HDLBP: variants seen among roughly 807,000 people sequenced by gnomAD.
HDLBP encodes the protein high density lipoprotein binding protein, also known as vigilin.
Under a neutral mutation model 137.3 loss-of-function variants are expected in HDLBP, and 30 were observed. The ratio of observed to expected loss-of-function variants is 0.22; its 90% CI spans 0.16 to 0.30. The LOEUF is 0.30. Among genes scored for constraint, HDLBP ranks in the 10% least tolerant of loss-of-function variants. HDLBP has a pLI of 1.00. For synonymous variants in HDLBP, 606 were observed against 596.0 expected (o/e 1.02, Z -0.24); for missense variants, 1,119 against 1,667.3 (o/e 0.67, Z 5.73).
chr2:241,289,540 A>G (rs1053164619), intron 1 of HDLBP, among the ~76,000 whole-genome samples: 2 of 152,258 alleles, frequency 1.3e-5, no homozygotes, highest in Non-Finnish European at 2.9e-5. Context: ...TTACCATGTA[A>G]GAGAAAAACT....
chr2:241,248,095 G>A lies in HDLBP; in HGVS notation c.1639C>T (p.Pro547Ser). 3 of 1,613,936 alleles carry A rather than the reference G, an allele frequency of 1.9e-6. No individual in the cohort carries two copies. The highest frequency in any genetic ancestry group is 4.5e-5 in the East Asian group (2 of 44,880). Residue 547 changes from proline (P) to serine (S), a missense_variant, in exon 14 of 28, where the codon CCA (proline) becomes TCA (serine). Pro to Ser is a moderately conservative substitution (Grantham distance 74). Transcript: ENST00000310931. ...TGGACAATGTCACTTTTTTGTGCTG[G>A]GTCTGGAAAGTTAATGATGACCTAG... Reference protein sequence around the residue: ...FPEVIINFPDPAQKSDIVQLR... With the variant: ...FPEVIINFPDSAQKSDIVQLR...
At chr2:241,257,800 T>A (rs1458851738) in intron 5 of HDLBP, among the ~76,000 whole-genome samples, 1 of 152,072 alleles carries the variant, frequency 6.6e-6, no homozygotes, top group African/African-American at 2.4e-5. Flanking sequence ...GGTGGAGGTG[T>A]TAACAGTGGT....
At chr2:241,296,533 T>A (rs943624296) in intron 1 of HDLBP, among the ~76,000 whole-genome samples, 1 of 152,204 alleles carries the variant, frequency 6.6e-6, no homozygotes, top group Admixed American at 6.5e-5. Context: ...AACACTAATA[T>A]AGAAGTCAAG....
At chr2:241,250,310 T>G in intron 11 of HDLBP, 1 of 203,680 alleles carries the variant, frequency 4.9e-6, no homozygotes, top group East Asian at 1.2e-4. Context: ...TTCAGAATAG[T>G]TGAAGGATTC....
intron 1 of HDLBP, among the ~76,000 whole-genome samples, chr2:241,283,818 G>A (rs1256226246): frequency 6.6e-6 from 1 of 152,108 alleles, no homozygotes; most frequent in Non-Finnish European, 1.5e-5. Flanking sequence ...GCTTCAAAAG[G>A]CTGACTCTCT....
Position 241,262,918 on chromosome 2 carries a change from A to C in HDLBP, c.243T>G (p.His81Gln). The change falls in exon 5 of 28, where the codon CAT (histidine) becomes CAG (glutamine). Residue 81 changes from histidine to glutamine, a missense_variant. Physicochemically the swap from His to Gln is conservative, Grantham distance 24. This residue lies in a region of HDLBP where 17 missense variants were observed against 64.3 expected (regional missense o/e 0.26). Transcript: ENST00000310931. Reference sequence around the variant, plus strand: ...TGTATTTTCTCTCCTCCAGGGGTACATGGAACACCTGCTCAAAAAAGATCA... The same window carrying C: ...TGTATTTTCTCTCCTCCAGGGGTACCTGGAACACCTGCTCAAAAAAGATCA... The part of the protein sequence containing the change: ...IKASVITQVF[H>Q]VPLEERKYKD... The C allele has an allele frequency of 6.2e-7, 1 of 1,611,872 alleles. No individual in the cohort carries two copies. The highest frequency in any genetic ancestry group is 8.5e-7 in the Non-Finnish European group (1 of 1,177,924).
At chr2:241,264,755 G>A (rs1052087845) in intron 3 of HDLBP, 150 bp from the exon 4 acceptor site, 20 of 750,084 alleles carry the variant, frequency 2.7e-5, no homozygotes, top group Admixed American at 2.0e-4. Flanking sequence ...CTAATTCATA[G>A]TGATAGGAAA....
rs1302011714 is a variant in HDLBP at position 241,239,310 on chromosome 2, TTTTC to T, written c.2610+288_2610+291del. ...TTCCTGATCCCTTATACAGAATGCA[TTTTC>T]TTTCTTTCTCTTGCTTTCTTTCCTC... On this transcript the variant is annotated intron_variant, in intron 19 of 27. Coordinates refer to ENST00000310931, the MANE Select transcript of HDLBP (RefSeq NM_005336.6). This position sits in a 1 kb window ranked among gnomAD's most constrained non-coding sequence, Gnocchi z 4.6. Among the ~76,000 whole-genome samples, 1 of 152,136 alleles carries T rather than the reference TTTTC, an allele frequency of 6.6e-6. No individual in the cohort carries two copies. The highest frequency in any genetic ancestry group is 1.9e-4 in the East Asian group (1 of 5,196).
intron 1 of HDLBP, among the ~76,000 whole-genome samples, chr2:241,300,950 CTAT>C (rs66491533): frequency 0.2 from 29,323 of 143,602 alleles, 3,295 homozygotes; most frequent in African/African-American, 0.31. Flanking sequence ...TGCACACATA[CTAT>C]TATTATTATT....
In HDLBP at chr2:241,264,625, T is replaced by A. The variant is rs2073506137; in HGVS notation, c.77-20A>T. ...TGGCAACTGGACCAGCCAACACAGA[T>A]TAAAAGGAAGCACTACTTTTAGCAT... On this transcript the variant is annotated intron_variant, in intron 3 of 27. Coordinates refer to ENST00000310931, the MANE Select transcript of HDLBP (RefSeq NM_005336.6). The A allele has an allele frequency of 2.5e-6, 4 of 1,609,404 alleles. No individual in the cohort carries two copies. The highest frequency in any genetic ancestry group is 3.4e-6 in the Non-Finnish European group (4 of 1,177,202).
Position 241,238,581 on chromosome 2 carries a change from G to A in HDLBP, c.2749+68C>T, listed in dbSNP as rs894957160. 3.1e-5 allele frequency: 40 copies of A among 1,274,908 alleles called. No homozygotes were observed. Among genetic ancestry groups the A allele is most frequent in the African/African-American group, 4.5e-5 (3 of 66,384 alleles). 79.0% of individuals were successfully genotyped at this position (1,274,908 alleles called of 1,614,324 possible). A position where few individuals can be genotyped will look rare whatever the true frequency, so the allele number is the denominator to read the frequency against. ...AGGAAAGAGCCTCACCAGTATGTGCGACAGCCCCGCCTCTCACATGGGAGG... is the reference window on the plus strand; with the variant it reads ...AGGAAAGAGCCTCACCAGTATGTGCAACAGCCCCGCCTCTCACATGGGAGG... On this transcript the variant is annotated intron_variant, in intron 20 of 27. Transcript: ENST00000310931. This position sits in a 1 kb window ranked among gnomAD's most constrained non-coding sequence, Gnocchi z 4.9.
chr2:241,293,509 G>T lies in HDLBP; in HGVS notation c.-103+22061C>A, dbSNP rs529619103. On this transcript the variant is annotated intron_variant, in intron 1 of 27. Coordinates refer to ENST00000310931, the MANE Select transcript of HDLBP (RefSeq NM_005336.6). ...TGCCTGTAGTCCCAGCTACTTGGAA[G>T]GCTGGGGCAGGAAGATCGCCTGAGC... 2.9e-4 allele frequency among the ~76,000 whole-genome samples: 44 copies of T among 151,776 alleles called. 2 individuals are homozygous for T. In the South Asian group the frequency reaches 9.2e-3, roughly 32 times the overall value.
At chr2:241,293,824 C>T (rs1219045110) in intron 1 of HDLBP, among the ~76,000 whole-genome samples, 1 of 106,876 alleles carries the variant, frequency 9.4e-6, no homozygotes, top group African/African-American at 3.6e-5. Context: ...TGGGAGGCTG[C>T]GGCAGGAAGA....
rs11423330 is a variant in HDLBP, at chr2:241,299,505, CAAAAAAA to C, written c.-103+16058_-103+16064del. Among the ~76,000 whole-genome samples the C allele has an allele frequency of 1.6e-3, 77 of 49,596 alleles. 1 individual carries two copies. Among genetic ancestry groups the C allele is most frequent in the African/African-American group, 4.3e-3 (56 of 13,078 alleles). 32.5% of individuals were successfully genotyped at this position (49,596 alleles called of 152,430 possible). A position where few individuals can be genotyped will look rare whatever the true frequency, so the allele number is the denominator to read the frequency against. ...ACTGAACTCCAGCCTGGCTCCGTCT[CAAAAAAA>C]AAAAAAAAAAAAAAAAAAGAAAGGA... On this transcript the variant is annotated intron_variant, in intron 1 of 27. Coordinates refer to ENST00000310931, the MANE Select transcript of HDLBP (RefSeq NM_005336.6).
At chr2:241,231,044 G>A (rs2069681154) in intron 24 of HDLBP, 100 bp from the exon 25 acceptor site, 1 of 1,038,948 alleles carries the variant, frequency 9.6e-7, no homozygotes, top group Non-Finnish European at 1.4e-6. Flanking sequence ...GCTCAGGAGA[G>A]AAGATGGAAA....
rs2149579416 is a variant in HDLBP at position 241,272,030 on chromosome 2, C to A, written c.-102-3489G>T. The A allele has an allele frequency of 4.1e-6, 1 of 246,884 alleles. No homozygotes were observed. The highest frequency in any genetic ancestry group is 6.5e-6 in the Non-Finnish European group (1 of 154,618). The allele number at this position is 246,884 out of a possible 1,614,324, so 15.3% of individuals were successfully genotyped here. Reference sequence around the variant, plus strand: ...GCGGGCGGGGACAGGCTTAAAGGGACAGCAACCCCTCGGCCTCCCCGCCTT... The same window carrying A: ...GCGGGCGGGGACAGGCTTAAAGGGAAAGCAACCCCTCGGCCTCCCCGCCTT... On this transcript the variant is annotated intron_variant, in intron 1 of 27. Coordinates refer to ENST00000310931, the MANE Select transcript of HDLBP (RefSeq NM_005336.6). This position sits in a 1 kb window ranked among gnomAD's most constrained non-coding sequence, Gnocchi z 5.6.
At chr2:241,307,961 T>A (rs1172663029) in intron 1 of HDLBP, among the ~76,000 whole-genome samples, 3 of 151,826 alleles carry the variant, frequency 2.0e-5, no homozygotes, top group Non-Finnish European at 2.9e-5. Flanking sequence ...ATAAATTGAA[T>A]TGGAAATGGA....
Position 241,256,788 on chromosome 2 carries a change from T to C in HDLBP, c.469A>G (p.Ile157Val), listed in dbSNP as rs148487749. 1 of 1,614,046 alleles carries C rather than the reference T, an allele frequency of 6.2e-7. No homozygotes were observed. The highest frequency in any genetic ancestry group is 1.3e-5 in the African/African-American group (1 of 75,034). The change falls in exon 6 of 28, where the codon ATT becomes GTT. Residue 157 changes from isoleucine (I) to valine (V), a missense_variant. By Grantham distance (29) the Ile-to-Val change is conservative. Around this residue, in one of 4 missense-constraint regions of HDLBP, gnomAD observed 425 missense variants for 693.9 expected, o/e 0.61. Coordinates refer to ENST00000310931, the MANE Select transcript of HDLBP (RefSeq NM_005336.6). ...LQTQASATVAIPKEHHRFVIG... is the reference protein window; with the variant it reads ...LQTQASATVAVPKEHHRFVIG... ...ACAAAGCGATGGTGTTCTTTGGGAA[T>C]GGCAACAGTTGCTGAGGCCTATAGC...
At position 241,248,045 on chromosome 2, in the gene HDLBP, C is replaced by T; in HGVS notation, c.1689G>A (p.Val563=). The part of the protein sequence containing the change: ...IVQLRGPKNE[V]EKCTKYMQKM... ...TCTGCATGTATTTTGTGCATTTTTC[C>T]ACCTCATTCTTAGGTCCTCTGAGCT... The change falls in exon 14 of 28, where the codon GTG becomes GTA. Residue 563 remains valine (V), a synonymous_variant. Coordinates refer to ENST00000310931, the MANE Select transcript of HDLBP (RefSeq NM_005336.6). The T allele has an allele frequency of 6.2e-7, 1 of 1,614,110 alleles. No individual in the cohort carries two copies. The highest frequency in any genetic ancestry group is 8.5e-7 in the Non-Finnish European group (1 of 1,179,976).
Sources: gnomAD v4.1 joint callset for allele counts (sites outside exome capture counted in the v4.1 genomes callset) on GRCh38, gnomAD v4.1.1 for gene constraint, gnomAD v4.1.1 regional missense constraint, Gnocchi (gnomAD v3.1) non-coding constraint, MANE v1.5 for transcripts, NCBI Gene and HGNC (gene_info 2026-07-23, HGNC 2026-07-21) for gene names.